The following PLA2G4A variants were observed in gnomAD, a reference collection of about 807,000 sequenced individuals.
The protein encoded by PLA2G4A is phospholipase A2 group IVA, also known as cytosolic phospholipase A2.
Under a neutral mutation model 81.9 loss-of-function variants are expected in PLA2G4A, and 40 were observed. The ratio of observed to expected loss-of-function variants is 0.49; its 90% CI spans 0.38 to 0.64. The LOEUF (loss-of-function observed/expected upper bound fraction) is 0.64. PLA2G4A is among the 30% of genes least tolerant of loss of function. The pLI, the probability that PLA2G4A is intolerant of heterozygous loss-of-function variation, is 0.00. For synonymous variants in PLA2G4A, 302 were observed against 296.9 expected (o/e 1.02, Z -0.18); for missense variants, 715 against 905.1 (o/e 0.79, Z 2.69).
At position 186,985,838 on chromosome 1, in the gene PLA2G4A, A is replaced by G. The variant is rs1657875918; in HGVS notation, c.2119-2539A>G. ...GAATCCCAATGAATTTCAGGGAAGA[A>G]TGAAAGAGATACAAACACCATTTAA... On this transcript the variant is annotated intron_variant, in intron 17 of 17. Transcript: ENST00000367466. 2.0e-5 allele frequency among the ~76,000 whole-genome samples: 3 copies of G among 152,196 alleles called. No individual in the cohort carries two copies. The South Asian group carries it at 6.2e-4, about 32-fold the overall frequency.
intron 17 of PLA2G4A, among the ~76,000 whole-genome samples, chr1:186,987,278 AGGCCAAGTG>A (rs1657921211): frequency 6.6e-6 from 1 of 152,276 alleles, no homozygotes; most frequent in Non-Finnish European, 1.5e-5. Context: ...TGCATCTCCA[AGGCCAAGTG>A]GGCCACAGCA....
intron 7 of PLA2G4A, among the ~76,000 whole-genome samples, chr1:186,931,001 C>T (rs1217028008): frequency 3.3e-5 from 5 of 152,046 alleles, no homozygotes; most frequent in African/African-American, 1.2e-4. Context: ...TCAAATCCCT[C>T]CTCTTCATTC....
intron 10 of PLA2G4A, among the ~76,000 whole-genome samples, chr1:186,945,279 G>A (rs552463255): frequency 2.8e-4 from 43 of 152,216 alleles, no homozygotes; most frequent in African/African-American, 1.0e-3. Flanking sequence ...AGTGGGATAC[G>A]CAAGACAAAA....
chr1:186,909,387 G>C (rs1037367420), intron 6 of PLA2G4A, among the ~76,000 whole-genome samples: 10 of 151,106 alleles, frequency 6.6e-5, no homozygotes, highest in Non-Finnish European at 3.0e-5. Flanking sequence ...TTGGCTGGGC[G>C]TGGTGGCTCA....
chr1:186,832,209 A>G (rs1337512481), intron 1 of PLA2G4A, among the ~76,000 whole-genome samples: 1 of 152,092 alleles, frequency 6.6e-6, no homozygotes, highest in Non-Finnish European at 1.5e-5. Context: ...ACTATTATAA[A>G]TAATATTTCA....
At chr1:186,988,347 T>C (rs779406399) in intron 17 of PLA2G4A, 30 bp from the exon 18 acceptor site, 2 of 1,583,648 alleles carry the variant, frequency 1.3e-6, no homozygotes, top group Non-Finnish European at 1.7e-6. Context: ...ATAGCAGCGC[T>C]AATTATACAA....
chr1:186,923,851 T>C (rs975367969), intron 7 of PLA2G4A, among the ~76,000 whole-genome samples: 1 of 152,366 alleles, frequency 6.6e-6, no homozygotes, highest in East Asian at 1.9e-4. Flanking sequence ...AATTATTTTC[T>C]TTACTGCTAA....
intron 7 of PLA2G4A, among the ~76,000 whole-genome samples, chr1:186,926,902 A>G (rs956878099): frequency 3.3e-5 from 5 of 152,220 alleles, no homozygotes; most frequent in Admixed American, 1.3e-4. Context: ...TCTGTGGCAT[A>G]ACACTCGTGG....
rs945948036 is a variant in PLA2G4A, at chr1:186,906,860, T to C, written c.379-105T>C. 1.0e-5 allele frequency: 7 copies of C among 668,616 alleles called. No individual in the cohort carries two copies. In the Admixed American group the frequency reaches 1.3e-4, roughly 12 times the overall value. 41.4% of individuals were successfully genotyped at this position (668,616 alleles called of 1,614,324 possible). On this transcript the variant is annotated intron_variant, in intron 5 of 17. Coordinates refer to ENST00000367466, the MANE Select transcript of PLA2G4A (RefSeq NM_024420.3). ...CTTTTATTTTTAGGGTTTTGTTTTT[T>C]TGATTAAAAATAATCTGGCACTCAA...
At chr1:186,853,933 A>T (rs1652463499) in intron 1 of PLA2G4A, among the ~76,000 whole-genome samples, 1 of 151,944 alleles carries the variant, frequency 6.6e-6, no homozygotes, top group African/African-American at 2.4e-5. Flanking sequence ...AAACAATGAC[A>T]TGTGGCTTAA....
chr1:186,934,893 G>A (rs1273392849), intron 8 of PLA2G4A, among the ~76,000 whole-genome samples: 4 of 151,740 alleles, frequency 2.6e-5, no homozygotes, highest in Admixed American at 2.0e-4. Context: ...TCCTTAATGT[G>A]GGCTTTCCCT....
chr1:186,885,074 A>C (rs191318214), intron 3 of PLA2G4A, among the ~76,000 whole-genome samples: 79 of 152,214 alleles, frequency 5.2e-4, no homozygotes, highest in Non-Finnish European at 1.0e-3. Flanking sequence ...TGGGGTATAA[A>C]GACTGGATTT....
intron 1 of PLA2G4A, among the ~76,000 whole-genome samples, chr1:186,847,216 G>T (rs777289200): frequency 3.9e-5 from 6 of 151,900 alleles, no homozygotes; most frequent in Non-Finnish European, 5.9e-5. Context: ...GTAAATAACT[G>T]GTCTGCTGTT....
intron 1 of PLA2G4A, among the ~76,000 whole-genome samples, chr1:186,848,908 A>G (rs1652279424): frequency 6.6e-6 from 1 of 152,090 alleles, no homozygotes; most frequent in Admixed American, 6.6e-5. Flanking sequence ...TAGGTGGTGA[A>G]CAGAGTGGTT....
rs1333253115 is a variant in PLA2G4A at position 186,897,963 on chromosome 1, TTC to T, written c.378+3757_378+3758del. ...AGTTTTTCAACTCTTGCTCCTCTCC[TTC>T]TCTCCTTACTTTTGGAGTCTCCAGT... On this transcript the variant is annotated intron_variant, in intron 5 of 17. Transcript: ENST00000367466. 8.0e-4 allele frequency among the ~76,000 whole-genome samples: 122 copies of T among 152,244 alleles called. 1 individual carries two copies. Among genetic ancestry groups the T allele is most frequent in the African/African-American group, 2.8e-3 (116 of 41,538 alleles).
At chr1:186,849,348 G>C (rs779849112) in intron 1 of PLA2G4A, among the ~76,000 whole-genome samples, 6 of 152,076 alleles carry the variant, frequency 3.9e-5, no homozygotes, top group Non-Finnish European at 8.8e-5. Context: ...GGAATGAAAG[G>C]CTTGAAGGAG....
At chr1:186,919,784 A>G (rs1177850540) in intron 7 of PLA2G4A, among the ~76,000 whole-genome samples, 2 of 152,164 alleles carry the variant, frequency 1.3e-5, no homozygotes, top group Non-Finnish European at 2.9e-5. Context: ...ACAATGTGTA[A>G]GGGTTAGGAA....
intron 2 of PLA2G4A, among the ~76,000 whole-genome samples, chr1:186,863,472 A>C (rs1050708319): frequency 1.3e-5 from 2 of 152,146 alleles, no homozygotes; most frequent in African/African-American, 4.8e-5. Flanking sequence ...CATCTCATAC[A>C]TTTATCACAT....
rs367829430 is a variant in PLA2G4A, at chr1:186,956,164, C to T, written c.1399C>T (p.Arg467Cys). The T allele has an allele frequency of 1.6e-5, 26 of 1,612,610 alleles. No individual in the cohort carries two copies. Among genetic ancestry groups the T allele is most frequent in the Non-Finnish European group, 2.1e-5 (25 of 1,178,752 alleles). Residue 467 changes from arginine (R) to cysteine (C), a missense_variant, in exon 14 of 18, where the codon CGT (arginine) becomes TGT (cysteine). Transcript: ENST00000367466. ...QSDNQASWIH[R>C]MIMALVSDSA... ...TGATAATCAAGCAAGTTGGATTCATCGTATGATAATGGCCTTGGTGAGTGA... is the reference window on the plus strand; with the variant it reads ...TGATAATCAAGCAAGTTGGATTCATTGTATGATAATGGCCTTGGTGAGTGA...
Sources: allele counts gnomAD v4.1 joint callset (sites outside exome capture counted in the v4.1 genomes callset), GRCh38; gene constraint gnomAD v4.1.1; transcripts MANE v1.5; gene names NCBI Gene and HGNC (gene_info 2026-07-23, HGNC 2026-07-21).